Variants in DIP2B observed in about 807,000 individuals in gnomAD.
DIP2B encodes the protein disco-interacting protein 2 homolog B.
A neutral mutation model predicts 198.0 loss-of-function variants in DIP2B; 76 were observed. The observed-to-expected ratio is 0.38, with a 90% confidence interval of 0.32 to 0.46. The LOEUF is 0.46. Among genes scored for constraint, DIP2B ranks in the 20% least tolerant of loss-of-function variants. DIP2B has a pLI of 0.99. For synonymous variants in DIP2B, 701 were observed against 739.1 expected, an observed-to-expected ratio of 0.95 and a Z score of 0.84; for missense variants, 1,559 against 1,978.4, an observed-to-expected ratio of 0.79 and a Z score of 4.02.
At chr12:50,668,630 T>C (rs546438317) in intron 4 of DIP2B, among the ~76,000 whole-genome samples, 1 of 152,344 alleles carries the variant, frequency 6.6e-6, no homozygotes, top group East Asian at 1.9e-4. Flanking sequence ...ATTCTGATTT[T>C]AAACTTAAAC....
rs1939518699 is a variant in DIP2B at position 50,706,662 on chromosome 12, G to A, written c.2531G>A (p.Gly844Glu). 6.2e-7 allele frequency: 1 copy of A among 1,613,782 alleles called. No individual in the cohort carries two copies. The highest frequency in any genetic ancestry group is 8.5e-7 in the Non-Finnish European group (1 of 1,179,910). ...AVESIKTVYR[G>E]RIAVFSVSVF... ...GAATCAATAAAGACTGTTTATAGAG[G>A]AAGGTGAGTAGTACAAAATTCAAAT... Residue 844 changes from glycine to glutamate, a missense_variant, in exon 21 of 38, where the codon GGA (glycine) becomes GAA (glutamate). Gly to Glu is a moderately conservative substitution (Grantham distance 98). Coordinates refer to ENST00000301180, the MANE Select transcript of DIP2B (RefSeq NM_173602.3).
At chr12:50,601,274 A>G (rs1958933579) in intron 1 of DIP2B, among the ~76,000 whole-genome samples, 1 of 152,086 alleles carries the variant, frequency 6.6e-6, no homozygotes, top group Non-Finnish European at 1.5e-5. Flanking sequence ...AAGTGCGTGG[A>G]ACATGATGAC....
chr12:50,631,195 G>C (rs1457570601), intron 2 of DIP2B, among the ~76,000 whole-genome samples: 1 of 151,294 alleles, frequency 6.6e-6, no homozygotes, highest in Admixed American at 6.6e-5. Flanking sequence ...TGTGATCTTT[G>C]CTCACCGCAA....
At chr12:50,641,186 G>A (rs539652165) in intron 3 of DIP2B, among the ~76,000 whole-genome samples, 2 of 152,162 alleles carry the variant, frequency 1.3e-5, no homozygotes, top group South Asian at 2.1e-4. Context: ...GTGAAACCTC[G>A]TCTGTACTAA....
intron 12 of DIP2B, among the ~76,000 whole-genome samples, chr12:50,689,124 G>A (rs899838959): frequency 1.3e-5 from 2 of 152,132 alleles, no homozygotes; most frequent in East Asian, 1.9e-4. Context: ...AGGGCTGGGC[G>A]CAGTGGCTCA....
Position 50,505,001 on chromosome 12 carries a change from T to TGGCGGCGGCGGCAGCGGCGGCGGCGGC in DIP2B, c.-128_-127insAGCGGCGGCGGCGGCGGCGGCGGCGGC. ...GTCGCGCTCACGTGACCTTTGCTCA[T>TGGCGGCGGCGGCAGCGGCGGCGGCGGC]GGCGGCGGCGGCGGCGGCGGCGGTG... On this transcript the variant is annotated 5_prime_UTR_variant, in exon 1 of 38. Transcript: ENST00000301180. 1 of 650,322 alleles carries TGGCGGCGGCGGCAGCGGCGGCGGCGGC rather than the reference T, an allele frequency of 1.5e-6. No individual in the cohort carries two copies. Among genetic ancestry groups the TGGCGGCGGCGGCAGCGGCGGCGGCGGC allele is most frequent in the Non-Finnish European group, 2.6e-6 (1 of 384,764 alleles). 40.3% of individuals were successfully genotyped at this position (650,322 alleles called of 1,614,324 possible).
Position 50,744,723 on chromosome 12 carries a change from G to T in DIP2B, c.4615G>T (p.Val1539Leu). 6.2e-7 allele frequency: 1 copy of T among 1,614,204 alleles called. No homozygotes were observed. Among genetic ancestry groups the T allele is most frequent in the Non-Finnish European group, 8.5e-7 (1 of 1,180,042 alleles). Residue 1539 changes from valine to leucine, a missense_variant, in exon 38 of 38, where the codon GTG (valine) becomes TTG (leucine). Coordinates refer to ENST00000301180, the MANE Select transcript of DIP2B (RefSeq NM_173602.3). ...EHYLIVGVVV[V>L]VDPGVIPINS... ...TTACCTCATCGTTGGCGTCGTGGTT[G>T]TGGTGGACCCAGGTGTCATCCCGAT...
chr12:50,635,028 G>C (rs979646665), intron 2 of DIP2B, among the ~76,000 whole-genome samples: 3 of 152,276 alleles, frequency 2.0e-5, no homozygotes, highest in South Asian at 2.1e-4. Context: ...AGGCTGTGCA[G>C]AGTATATCAA....
chr12:50,721,371 T>C lies in DIP2B; in HGVS notation c.3141T>C (p.Asp1047=). The stretch of plus-strand genomic sequence containing the variant: ...ATAAGGGACATCTAAATGCAGGAGA[T>C]AATGTGGTGTTGCTCTATCCACCTG... ...LGDKGHLNAG[D]NVVLLYPPGI... The change falls in exon 26 of 38, where the codon GAT becomes GAC. Residue 1047 remains aspartate, a synonymous_variant. Coordinates refer to ENST00000301180, the MANE Select transcript of DIP2B (RefSeq NM_173602.3). 1 of 1,614,194 alleles carries C rather than the reference T, an allele frequency of 6.2e-7. No homozygotes were observed.
At chr12:50,669,626 T>C (rs1442378773) in intron 4 of DIP2B, among the ~76,000 whole-genome samples, 4 of 152,222 alleles carry the variant, frequency 2.6e-5, no homozygotes, top group Non-Finnish European at 5.9e-5. Flanking sequence ...GGTTTCGCGA[T>C]GTTGGCCAGG....
Position 50,504,985 on chromosome 12 carries a change from A to C in DIP2B, c.-156A>C. On this transcript the variant is annotated 5_prime_UTR_variant, in exon 1 of 38. Transcript: ENST00000301180. ...CCGGGGGGCGGGGGCCGTCGCGCTCACGTGACCTTTGCTCATGGCGGCGGC... is the reference window on the plus strand; with the variant it reads ...CCGGGGGGCGGGGGCCGTCGCGCTCCCGTGACCTTTGCTCATGGCGGCGGC... 1.9e-6 allele frequency: 1 copy of C among 526,554 alleles called. No homozygotes were observed. The highest frequency in any genetic ancestry group is 1.9e-5 in the South Asian group (1 of 53,396). 32.6% of individuals were successfully genotyped at this position (526,554 alleles called of 1,614,324 possible). A position where few individuals can be genotyped will look rare whatever the true frequency, so the allele number is the denominator to read the frequency against.
chr12:50,736,970 G>A lies in DIP2B; in HGVS notation c.4102-66G>A, dbSNP rs372228213. The A allele has an allele frequency of 4.4e-5, 66 of 1,512,252 alleles. 1 individual carries two copies. In the East Asian group the frequency reaches 7.7e-4, roughly 18 times the overall value. The allele number at this position is 1,512,252 out of a possible 1,614,324, so 93.7% of individuals were successfully genotyped here. A position where few individuals can be genotyped will look rare whatever the true frequency, so the allele number is the denominator to read the frequency against. ...TCACCTCTCCAGCAGGTAACTAACC[G>A]TGCGTTTCCTGGAGGTCATTAGATT... On this transcript the variant is annotated intron_variant, in intron 34 of 37. Transcript: ENST00000301180.
chr12:50,601,668 A>T (rs533269840), intron 1 of DIP2B, among the ~76,000 whole-genome samples: 9 of 148,254 alleles, frequency 6.1e-5, no homozygotes, highest in Admixed American at 2.7e-4. Flanking sequence ...AATATTTTAC[A>T]TTTTTTTTTT....
At chr12:50,565,423 G>A (rs967943993) in intron 1 of DIP2B, among the ~76,000 whole-genome samples, 3 of 152,132 alleles carry the variant, frequency 2.0e-5, no homozygotes, top group African/African-American at 4.8e-5. Context: ...AGCCTCCTGA[G>A]TAGCTGGGAC....
At chr12:50,613,683 A>G (rs1329703239) in intron 1 of DIP2B, among the ~76,000 whole-genome samples, 1 of 152,156 alleles carries the variant, frequency 6.6e-6, no homozygotes, top group Non-Finnish European at 1.5e-5. Context: ...GAGTATTAAC[A>G]TTTCCACACC....
intron 7 of DIP2B, among the ~76,000 whole-genome samples, chr12:50,676,231 G>T (rs1938943443): frequency 6.6e-6 from 1 of 152,184 alleles, no homozygotes; most frequent in African/African-American, 2.4e-5. Context: ...TAGACAAATA[G>T]ATCTACCTAA....
At chr12:50,702,028 C>G (rs565540163) in intron 19 of DIP2B, among the ~76,000 whole-genome samples, 1 of 152,060 alleles carries the variant, frequency 6.6e-6, no homozygotes, top group East Asian at 1.9e-4. Context: ...CTTTGAGAGG[C>G]TGAGGTGGGT....
rs781310466 is a variant in DIP2B at position 50,728,686 on chromosome 12, T to C, written c.3641+8T>C. On this transcript the variant is annotated splice_region_variant and intron_variant, in intron 30 of 37. Transcript: ENST00000301180. ...GCTCTGGTGTCTCTGCAGGTAGGGA[T>C]GGAAAAGCCAAGGAGACAGAATGTG... 9 of 1,613,486 alleles carry C rather than the reference T, an allele frequency of 5.6e-6. No homozygotes were observed. Among genetic ancestry groups the C allele is most frequent in the Non-Finnish European group, 6.8e-6 (8 of 1,179,804 alleles).
At position 50,746,271 on chromosome 12, in the gene DIP2B, A is replaced by G. The variant is rs1406411151; in HGVS notation, c.*1432A>G. On this transcript the variant is annotated 3_prime_UTR_variant, in exon 38 of 38. Transcript: ENST00000301180. ...AAATGAAAAAGTACTCAAAAGTGAG[A>G]AGAGTTAACTTGTCAAAGCAGAATG... The G allele has an allele frequency of 6.6e-6, 1 of 152,210 alleles. No individual in the cohort carries two copies. Among genetic ancestry groups the G allele is most frequent in the African/African-American group, 2.4e-5 (1 of 41,450 alleles). 9.4% of individuals were successfully genotyped at this position (152,210 alleles called of 1,614,324 possible). A position where few individuals can be genotyped will look rare whatever the true frequency, so the allele number is the denominator to read the frequency against.
Sources: gnomAD v4.1 joint callset for allele counts (sites outside exome capture counted in the v4.1 genomes callset) on GRCh38, gnomAD v4.1.1 for gene constraint, MANE v1.5 for transcripts, NCBI Gene and HGNC (gene_info 2026-07-23, HGNC 2026-07-21) for gene names.